PDE11A: variants seen among roughly 807,000 people sequenced by gnomAD.
PDE11A encodes the protein dual 3',5'-cyclic-AMP and -GMP phosphodiesterase 11A.
A neutral mutation model predicts 100.5 loss-of-function variants in PDE11A; 100 were observed. The ratio of observed to expected loss-of-function variants is 1.00; its 90% CI spans 0.85 to 1.18. PDE11A has a LOEUF of 1.18. Among genes scored for constraint, PDE11A ranks in the 50% most tolerant of loss-of-function variants. The pLI is 0.00. For missense variants in PDE11A, 1,141 were observed against 1,152.6 expected (o/e 0.99, Z 0.15); for synonymous variants, 381 against 420.8 (o/e 0.91, Z 1.16).
chr2:177,904,055 A>G (rs2084740526), intron 3 of PDE11A, among the ~76,000 whole-genome samples: 1 of 152,250 alleles, frequency 6.6e-6, no homozygotes, highest in Non-Finnish European at 1.5e-5. Context: ...ATTTTAATCA[A>G]CTTGATGGCC....
In PDE11A at chr2:177,884,679, T is replaced by C. The variant is rs568041496; in HGVS notation, c.1303-8756A>G. On this transcript the variant is annotated intron_variant, in intron 4 of 19. Coordinates refer to ENST00000286063, the MANE Select transcript of PDE11A (RefSeq NM_016953.4). Reference sequence around the variant, plus strand: ...ACAAGCAATAGACAACTACCAATGTTTTGAATCATAGGAGAGGCCAGTGCA... The same window carrying C: ...ACAAGCAATAGACAACTACCAATGTCTTGAATCATAGGAGAGGCCAGTGCA... Among the ~76,000 whole-genome samples, 35 of 152,276 alleles carry C rather than the reference T, an allele frequency of 2.3e-4. No individual in the cohort carries two copies. The South Asian group carries it at 6.4e-3, about 28-fold the overall frequency.
Position 177,855,349 on chromosome 2 carries a change from AG to A in PDE11A, c.1368-14967del, listed in dbSNP as rs1397269853. 5.9e-5 allele frequency among the ~76,000 whole-genome samples: 9 copies of A among 152,214 alleles called. 1 individual carries two copies. Among genetic ancestry groups the A allele is most frequent in the African/African-American group, 2.2e-4 (9 of 41,566 alleles). ...CACTGAAAATTTGCGCCTCCATAAA[AG>A]CAGCGAGAATACTAGCAAAAATTGT... On this transcript the variant is annotated intron_variant, in intron 5 of 19. Coordinates refer to ENST00000286063, the MANE Select transcript of PDE11A (RefSeq NM_016953.4).
At chr2:177,751,417 C>T (rs1413050652) in intron 10 of PDE11A, among the ~76,000 whole-genome samples, 6 of 152,104 alleles carry the variant, frequency 3.9e-5, no homozygotes, top group Admixed American at 2.0e-4. Flanking sequence ...TGATGAGAAC[C>T]TCTGTTGTAG....
At chr2:178,028,390 G>C (rs2043547) in intron 1 of PDE11A, among the ~76,000 whole-genome samples, 20 of 151,898 alleles carry the variant, frequency 1.3e-4, no homozygotes, top group Middle Eastern at 3.4e-3. Flanking sequence ...GTCAACCTGT[G>C]GGGGGAAGTC....
chr2:177,946,724 G>A (rs1574300012), intron 2 of PDE11A, among the ~76,000 whole-genome samples: 6 of 103,908 alleles, frequency 5.8e-5, no homozygotes, highest in African/African-American at 1.4e-4. Flanking sequence ...CGCCCCGTCC[G>A]GGAGGGAGGT....
chr2:177,837,492 G>A (rs1384420912), intron 6 of PDE11A, among the ~76,000 whole-genome samples: 1 of 113,506 alleles, frequency 8.8e-6, no homozygotes, highest in Non-Finnish European at 1.8e-5. Flanking sequence ...TTTTTTTTTT[G>A]AGATGGAGTC....
chr2:177,910,426 CTCTA>C (rs1349277346), intron 2 of PDE11A, among the ~76,000 whole-genome samples: 40 of 87,714 alleles, frequency 4.6e-4, no homozygotes, highest in Admixed American at 8.3e-4. Context: ...CTCTCTCTCT[CTCTA>C]TATATATATA....
intron 17 of PDE11A, among the ~76,000 whole-genome samples, chr2:177,672,068 T>C (rs546758503): frequency 6.6e-6 from 1 of 152,268 alleles, no homozygotes; most frequent in East Asian, 1.9e-4. Flanking sequence ...ACTACACTTT[T>C]TCCCAATACC....
chr2:177,948,872 T>C (rs1399564271), intron 2 of PDE11A, among the ~76,000 whole-genome samples: 1 of 152,218 alleles, frequency 6.6e-6, no homozygotes, highest in Non-Finnish European at 1.5e-5. Flanking sequence ...ATTGCAACAT[T>C]GCATTCCAGC....
chr2:177,693,069 G>A (rs993083103), intron 15 of PDE11A, among the ~76,000 whole-genome samples: 13 of 152,158 alleles, frequency 8.5e-5, no homozygotes, highest in African/African-American at 3.1e-4. Flanking sequence ...CTTTTAGGTT[G>A]AGTAGTCAGG....
chr2:177,750,096 G>A (rs536458440), intron 10 of PDE11A, among the ~76,000 whole-genome samples: 25 of 152,250 alleles, frequency 1.6e-4, no homozygotes, highest in Non-Finnish European at 3.2e-4. Flanking sequence ...TTAGTACATC[G>A]TTAATTTCTG....
At chr2:177,671,561 A>G (rs2080682183) in intron 17 of PDE11A, among the ~76,000 whole-genome samples, 2 of 151,848 alleles carry the variant, frequency 1.3e-5, no homozygotes, top group South Asian at 2.1e-4. Flanking sequence ...AATGTTTCCT[A>G]AAATTTTGAA....
intron 19 of PDE11A, among the ~76,000 whole-genome samples, chr2:177,642,967 A>G (rs1287133698): frequency 6.6e-6 from 1 of 152,156 alleles, no homozygotes; most frequent in African/African-American, 2.4e-5. Flanking sequence ...GCTGCCATCC[A>G]TGTAAGATGT....
At chr2:177,768,505 T>C (rs781333806) in intron 10 of PDE11A, among the ~76,000 whole-genome samples, 3 of 152,152 alleles carry the variant, frequency 2.0e-5, no homozygotes, top group Admixed American at 6.5e-5. Flanking sequence ...CACCTAAATA[T>C]AAAAAGGCAG....
intron 5 of PDE11A, among the ~76,000 whole-genome samples, chr2:177,850,826 C>T (rs1291097990): frequency 6.6e-6 from 1 of 152,048 alleles, no homozygotes; most frequent in Non-Finnish European, 1.5e-5. Context: ...CAAATCAAAA[C>T]CACAATGAGA....
intron 2 of PDE11A, among the ~76,000 whole-genome samples, chr2:177,993,112 G>T (rs1439317774): frequency 6.6e-6 from 1 of 152,116 alleles, no homozygotes; most frequent in Non-Finnish European, 1.5e-5. Context: ...GGCTACCATT[G>T]TGGTTTTGCT....
intron 5 of PDE11A, among the ~76,000 whole-genome samples, chr2:177,875,603 G>C (rs560254270): frequency 1.3e-5 from 2 of 151,740 alleles, no homozygotes; most frequent in African/African-American, 4.8e-5. Context: ...GGATGGTCTC[G>C]ATCTCCTGAT....
intron 15 of PDE11A, among the ~76,000 whole-genome samples, chr2:177,686,304 C>T (rs1017479592): frequency 1.3e-5 from 2 of 152,144 alleles, no homozygotes; most frequent in African/African-American, 2.4e-5. Context: ...TAGTGGGTCA[C>T]GCCTGTAATC....
intron 10 of PDE11A, among the ~76,000 whole-genome samples, chr2:177,750,654 C>G (rs546906582): frequency 6.6e-6 from 1 of 152,288 alleles, no homozygotes; most frequent in Non-Finnish European, 1.5e-5. Context: ...AAGGTGTGGT[C>G]AAAACTGGCT....
Sources: allele counts gnomAD v4.1 joint callset (sites outside exome capture counted in the v4.1 genomes callset), GRCh38; gene constraint gnomAD v4.1.1; transcripts MANE v1.5; gene names NCBI Gene and HGNC (gene_info 2026-07-23, HGNC 2026-07-21).